Variants in RABL3 observed in about 807,000 individuals in gnomAD.
RABL3 encodes the protein rab-like protein 3.
A neutral mutation model predicts 31.8 loss-of-function variants in RABL3; 31 were observed. The ratio of observed to expected loss-of-function variants is 0.97; its 90% CI spans 0.73 to 1.31. The LOEUF (loss-of-function observed/expected upper bound fraction) is 1.31, where lower values mean the gene tolerates loss of function less well. RABL3 is among the 40% of genes most tolerant of loss of function. The probability of loss-of-function intolerance (pLI) is 0.00; values close to 1 mark genes in which losing one functional copy is unlikely to be tolerated. For synonymous variants in RABL3, 97 were observed against 99.9 expected (o/e 0.97, Z 0.18); for missense variants, 263 against 279.6 (o/e 0.94, Z 0.42).
Position 120,699,398 on chromosome 3 carries a change from G to A in RABL3, c.384-825C>T, listed in dbSNP as rs144648424. On this transcript the variant is annotated intron_variant, in intron 4 of 7. Coordinates refer to ENST00000273375, the MANE Select transcript of RABL3 (RefSeq NM_173825.5). ...AATTTATTTATCCAAAGAACAGAGT[G>A]GTGATGTAAATGATACTTCTCATTA... Among the ~76,000 whole-genome samples the A allele has an allele frequency of 1.8e-4, 28 of 152,264 alleles. No homozygotes were observed. In the East Asian group the frequency reaches 5.4e-3, roughly 29 times the overall value.
chr3:120,713,292 T>C (rs1225497609), intron 2 of RABL3, among the ~76,000 whole-genome samples: 1 of 152,230 alleles, frequency 6.6e-6, no homozygotes, highest in Non-Finnish European at 1.5e-5. Context: ...AATCAGAAGA[T>C]AAGGTGTCTT....
At chr3:120,718,424 T>C (rs1289109783) in intron 2 of RABL3, among the ~76,000 whole-genome samples, 2 of 152,232 alleles carry the variant, frequency 1.3e-5, no homozygotes, top group African/African-American at 2.4e-5. Flanking sequence ...ATCGTTAATA[T>C]GTACTAGCTT....
intron 2 of RABL3, among the ~76,000 whole-genome samples, chr3:120,728,986 G>T (rs1708853219): frequency 1.3e-5 from 2 of 152,188 alleles, no homozygotes; most frequent in South Asian, 4.1e-4. Context: ...AGGAATAGCA[G>T]ACCTGTTTTC....
intron 2 of RABL3, among the ~76,000 whole-genome samples, chr3:120,714,319 T>G (rs1164884594): frequency 1.3e-5 from 2 of 152,144 alleles, no homozygotes; most frequent in South Asian, 4.1e-4. Context: ...TAGGAGAATA[T>G]ACCACAGGAG....
intron 2 of RABL3, among the ~76,000 whole-genome samples, chr3:120,723,019 T>C (rs1708767402): frequency 6.6e-6 from 1 of 152,130 alleles, no homozygotes. Context: ...GCTGGTTTTT[T>C]GAAAAGATCA....
intron 1 of RABL3, among the ~76,000 whole-genome samples, chr3:120,737,345 A>C (rs190202849): frequency 6.6e-6 from 1 of 152,276 alleles, no homozygotes; most frequent in Admixed American, 6.5e-5. Flanking sequence ...ATCATCACGT[A>C]GTTCTTGTGC....
intron 1 of RABL3, among the ~76,000 whole-genome samples, chr3:120,737,012 C>T (rs1306330477): frequency 6.6e-6 from 1 of 152,188 alleles, no homozygotes; most frequent in Non-Finnish European, 1.5e-5. Flanking sequence ...CTTGGAGTTG[C>T]TCCTCTTGAG....
intron 1 of RABL3, among the ~76,000 whole-genome samples, chr3:120,731,182 T>C (rs753232614): frequency 6.6e-6 from 1 of 152,208 alleles, no homozygotes. Flanking sequence ...ATTTAATCAA[T>C]TTAGCCTATT....
At chr3:120,711,744 A>T (rs1708615091) in intron 2 of RABL3, among the ~76,000 whole-genome samples, 1 of 152,050 alleles carries the variant, frequency 6.6e-6, no homozygotes, top group East Asian at 1.9e-4. Context: ...CCAAGAATTA[A>T]TTTTTTTTAA....
Position 120,726,365 on chromosome 3 carries a change from C to T in RABL3, c.138+4331G>A, listed in dbSNP as rs567194371. Among the ~76,000 whole-genome samples, 145 of 152,198 alleles carry T rather than the reference C, an allele frequency of 9.5e-4. 1 individual carries two copies. Among genetic ancestry groups the T allele is most frequent in the African/African-American group, 3.2e-3 (134 of 41,508 alleles). On this transcript the variant is annotated intron_variant, in intron 2 of 7. Coordinates refer to ENST00000273375, the MANE Select transcript of RABL3 (RefSeq NM_173825.5). ...TAGGGCCCGGCATGGTGGCTTATGC[C>T]TCTAATCCCAGCACTTTGGGAGGCC...
chr3:120,725,198 G>A (rs1708802692), intron 2 of RABL3, among the ~76,000 whole-genome samples: 1 of 152,158 alleles, frequency 6.6e-6, no homozygotes, highest in Non-Finnish European at 1.5e-5. Context: ...ATGAAAAAAT[G>A]CTCACCATCA....
chr3:120,716,641 A>C (rs1013528387), intron 2 of RABL3, among the ~76,000 whole-genome samples: 3 of 151,968 alleles, frequency 2.0e-5, no homozygotes, highest in African/African-American at 7.2e-5. Context: ...AAAAAAAGAA[A>C]AAAAAAGAGG....
chr3:120,741,683 A>AT (rs1320821070), intron 1 of RABL3, among the ~76,000 whole-genome samples: 1 of 152,114 alleles, frequency 6.6e-6, no homozygotes, highest in African/African-American at 2.4e-5. Flanking sequence ...AGATTAAAAA[A>AT]ATATATATAT....
intron 2 of RABL3, among the ~76,000 whole-genome samples, chr3:120,715,194 A>C (rs775898865): frequency 2.6e-5 from 4 of 152,134 alleles, no homozygotes; most frequent in Non-Finnish European, 4.4e-5. Flanking sequence ...CTACTATAAC[A>C]CTTGTTTTCT....
chr3:120,698,351 A>G (rs533370727), intron 5 of RABL3, 72 bp downstream of exon 5: 2 of 1,367,270 alleles, frequency 1.5e-6, no homozygotes, highest in Admixed American at 2.0e-5. Context: ...ACTAGAATAT[A>G]TTATTTGAAT....
In RABL3 at chr3:120,685,117, C is replaced by T. The variant is rs1708294787; in HGVS notation, c.*4706G>A. On this transcript the variant is annotated 3_prime_UTR_variant, in exon 8 of 8. Coordinates refer to ENST00000273375, the MANE Select transcript of RABL3 (RefSeq NM_173825.5). ...GACGAGCAGAGCCAGGGAGGGCTTC[C>T]CAGAGAAGACTATGTCTGAGCCAAG... 6.6e-6 allele frequency among the ~76,000 whole-genome samples: 1 copy of T among 152,086 alleles called. No homozygotes were observed. Among genetic ancestry groups the T allele is most frequent in the Non-Finnish European group, 1.5e-5 (1 of 68,020 alleles).
At chr3:120,732,887 T>C (rs986656001) in intron 1 of RABL3, among the ~76,000 whole-genome samples, 1 of 152,174 alleles carries the variant, frequency 6.6e-6, no homozygotes, top group Admixed American at 6.6e-5. Context: ...GCAAAGGACA[T>C]GAACTCATCA....
At position 120,726,683 on chromosome 3, in the gene RABL3, G is replaced by A. The variant is rs142780213; in HGVS notation, c.138+4013C>T. The stretch of plus-strand genomic sequence containing the variant: ...CGCTTGAACCCGGGAGGCAGAGGTT[G>A]CAGTGAGCCAAGATCGTGCCACTGC... On this transcript the variant is annotated intron_variant, in intron 2 of 7. Transcript: ENST00000273375. Among the ~76,000 whole-genome samples, 460 of 152,196 alleles carry A rather than the reference G, an allele frequency of 3.0e-3. 1 individual carries two copies. Among genetic ancestry groups the A allele is most frequent in the African/African-American group, 0.01 (434 of 41,514 alleles).
chr3:120,732,954 G>C (rs1041812689), intron 1 of RABL3, among the ~76,000 whole-genome samples: 2 of 152,040 alleles, frequency 1.3e-5, no homozygotes, highest in South Asian at 2.1e-4. Flanking sequence ...TCTTAATCCA[G>C]TCTATCATTG....
Sources: gnomAD v4.1 joint callset for allele counts (sites outside exome capture counted in the v4.1 genomes callset) on GRCh38, gnomAD v4.1.1 for gene constraint, MANE v1.5 for transcripts, NCBI Gene and HGNC (gene_info 2026-07-23, HGNC 2026-07-21) for gene names.